Variants in IPO9 observed in about 807,000 individuals in gnomAD.
The protein encoded by IPO9 is importin 9.
Under a neutral mutation model 128.6 loss-of-function variants are expected in IPO9, and 28 were observed. The ratio of observed to expected loss-of-function variants is 0.22; its 90% confidence interval spans 0.16 to 0.30. IPO9 has a LOEUF of 0.30. IPO9 is among the 10% of genes least tolerant of loss of function. The pLI, the probability that IPO9 is intolerant of heterozygous loss-of-function variation, is 1.00. For synonymous variants in IPO9, 455 were observed against 475.8 expected, an observed-to-expected ratio of 0.96 and a Z score of 0.57; for missense variants, 935 against 1,293.9, an observed-to-expected ratio of 0.72 and a Z score of 4.26.
At chr1:201,836,864 C>T (rs1170852374) in intron 1 of IPO9, among the ~76,000 whole-genome samples, 1 of 152,124 alleles carries the variant, frequency 6.6e-6, no homozygotes, top group Non-Finnish European at 1.5e-5. Context: ...CTGTAGGGGT[C>T]TGTAGAGAAG....
At chr1:201,871,459 T>C in intron 19 of IPO9, 132 bp downstream of exon 19, 1 of 625,080 alleles carries the variant, frequency 1.6e-6, no homozygotes, top group Non-Finnish European at 2.5e-6. Flanking sequence ...CAATCTTGGC[T>C]CACTGCAACC....
intron 17 of IPO9, 53 bp downstream of exon 17, chr1:201,869,771 T>TTA (rs1680615115): frequency 2.5e-6 from 4 of 1,588,072 alleles, no homozygotes; most frequent in African/African-American, 2.7e-5. Flanking sequence ...AGCCATGGGC[T>TTA]TATACTATGC....
chr1:201,871,323 G>A lies in IPO9; in HGVS notation c.2572G>A (p.Val858Ile), dbSNP rs1680647285. ...HLFYGQYEGK[V>I]SSVALCKLLQ... ...GTTCTATGGACAGTATGAAGGCAAA[G>A]TCAGGTAGAACCTCATCTTTCTTTT... Residue 858 changes from valine (V) to isoleucine (I), a missense_variant, in exon 19 of 24, where the codon GTC (valine) becomes ATC (isoleucine). By Grantham distance (29) the Val-to-Ile change is conservative. Transcript: ENST00000361565. 7.0e-7 allele frequency: 1 copy of A among 1,437,138 alleles called. No homozygotes were observed. The highest frequency in any genetic ancestry group is 9.3e-7 in the Non-Finnish European group (1 of 1,070,556). 89.0% of individuals were successfully genotyped at this position (1,437,138 alleles called of 1,614,324 possible). A position where few individuals can be genotyped will look rare whatever the true frequency, so the allele number is the denominator to read the frequency against.
At chr1:201,868,522 G>A in intron 15 of IPO9, 126 bp from the exon 16 acceptor site, 3 of 967,548 alleles carry the variant, frequency 3.1e-6, no homozygotes, top group Non-Finnish European at 4.4e-6. Flanking sequence ...TAGGTCCCGG[G>A]TATGTGATAA....
rs1680161457 is a variant in IPO9 at position 201,848,614 on chromosome 1, CTGG to C, written c.514+22_514+24del. The C allele has an allele frequency of 1.9e-6, 3 of 1,612,000 alleles. No individual in the cohort carries two copies. In the South Asian group the frequency reaches 3.3e-5, roughly 18 times the overall value. The stretch of plus-strand genomic sequence containing the variant: ...TGACAGGTACCAGAAGCCCTTTTCC[CTGG>C]TATTGGTACTTGGATCTCAAGCGAC... On this transcript the variant is annotated intron_variant, in intron 4 of 23. Coordinates refer to ENST00000361565, the MANE Select transcript of IPO9 (RefSeq NM_018085.5).
Position 201,854,660 on chromosome 1 carries a change from C to A in IPO9, c.756C>A (p.Leu252=). 6.2e-7 allele frequency: 1 copy of A among 1,614,184 alleles called. No individual in the cohort carries two copies. The highest frequency in any genetic ancestry group is 1.3e-5 in the African/African-American group (1 of 75,048). Residue 252 remains leucine, a synonymous_variant, in exon 7 of 24, where the codon CTC becomes CTA. Coordinates refer to ENST00000361565, the MANE Select transcript of IPO9 (RefSeq NM_018085.5). ...QQFTEAFVQA[L]QIPDGPTSDS... ...TCACAGAGGCCTTTGTTCAGGCCCT[C>A]CAGATACCAGATGGCCCCACATCTG...
At chr1:201,861,156 ACT>A (rs1394032011) in intron 13 of IPO9, among the ~76,000 whole-genome samples, 1 of 152,126 alleles carries the variant, frequency 6.6e-6, no homozygotes, top group Non-Finnish European at 1.5e-5. Flanking sequence ...ACAGAGCGAG[ACT>A]CTGTCTCAAA....
intron 21 of IPO9, 122 bp from the exon 22 acceptor site, chr1:201,874,710 A>C: frequency 1.4e-6 from 1 of 720,482 alleles, no homozygotes; most frequent in Non-Finnish European, 2.5e-6. Context: ...ATTCTCTTTC[A>C]CTGGGGACTA....
At position 201,855,116 on chromosome 1, in the gene IPO9, C is replaced by T; in HGVS notation, c.912-8C>T. The T allele has an allele frequency of 6.4e-7, 1 of 1,567,154 alleles. No individual in the cohort carries two copies. Among genetic ancestry groups the T allele is most frequent in the Non-Finnish European group, 8.8e-7 (1 of 1,139,392 alleles). ...CTCCAAATTCTATTTCTTTACTCTT[C>T]ATCATACTTATGTGAGGACAGAAGT... On this transcript the variant is annotated splice_polypyrimidine_tract_variant and splice_region_variant and intron_variant, in intron 8 of 23. Transcript: ENST00000361565.
chr1:201,862,431 C>A (rs973052310), intron 13 of IPO9, among the ~76,000 whole-genome samples: 2 of 151,582 alleles, frequency 1.3e-5, no homozygotes, highest in Non-Finnish European at 2.9e-5. Flanking sequence ...ACACTCCAGC[C>A]TGGGCAACAG....
Position 201,843,391 on chromosome 1 carries a change from G to GA in IPO9, c.164-3879dup, listed in dbSNP as rs869110450. Among the ~76,000 whole-genome samples the GA allele has an allele frequency of 4.0e-5, 6 of 150,270 alleles. No homozygotes were observed. In the South Asian group the frequency reaches 8.4e-4, roughly 21 times the overall value. ...CATTGCATCAGGTAGGGGAATGGGGGAAAAAAAAAGAAAAGGAAAGTTGAG... is the reference window on the plus strand; with the variant it reads ...CATTGCATCAGGTAGGGGAATGGGGGAAAAAAAAAAGAAAAGGAAAGTTGAG... On this transcript the variant is annotated intron_variant, in intron 1 of 23. Transcript: ENST00000361565.
chr1:201,872,975 C>G lies in IPO9; in HGVS notation c.2710+14C>G. 1 of 1,606,442 alleles carries G rather than the reference C, an allele frequency of 6.2e-7. No homozygotes were observed. The highest frequency in any genetic ancestry group is 8.5e-7 in the Non-Finnish European group (1 of 1,175,988). ...AGTCAGCCAAAAGTGGGTGCTGCTG[C>G]GATTCTTCCAATCCTCTCCCTATAC... On this transcript the variant is annotated intron_variant, in intron 20 of 23. Transcript: ENST00000361565.
At chr1:201,863,000 CT>C (rs758995743) in intron 13 of IPO9, among the ~76,000 whole-genome samples, 1 of 152,078 alleles carries the variant, frequency 6.6e-6, no homozygotes, top group Admixed American at 6.6e-5. Context: ...CAAGGTTATG[CT>C]TTTTCTCTCA....
chr1:201,865,199 C>CTTTTTTTTTTTTT (rs201084995), intron 14 of IPO9, among the ~76,000 whole-genome samples: 1 of 132,852 alleles, frequency 7.5e-6, no homozygotes, highest in Non-Finnish European at 1.6e-5. Flanking sequence ...AACTATTTTT[C>CTTTTTTTTTTTTT]TTTTTTTTTT....
In IPO9 at chr1:201,878,057, AT is replaced by A. The variant is rs1194625876; in HGVS notation, c.*2005del. 1 of 152,196 alleles carries A rather than the reference AT, an allele frequency of 6.6e-6. No homozygotes were observed. The highest frequency in any genetic ancestry group is 1.5e-5 in the Non-Finnish European group (1 of 68,042). The allele number at this position is 152,196 out of a possible 1,614,324, so 9.4% of individuals were successfully genotyped here. ...CCAGTGTTCAACCTCCATGACTGAGATTGGAAGAAGTAGAGTTAAAAGTTTT... is the reference window on the plus strand; with the variant it reads ...CCAGTGTTCAACCTCCATGACTGAGATGGAAGAAGTAGAGTTAAAAGTTTT... On this transcript the variant is annotated 3_prime_UTR_variant, in exon 24 of 24. Transcript: ENST00000361565.
rs908736116 is a variant in IPO9 at position 201,866,723 on chromosome 1, C to G, written c.1629-10C>G. On this transcript the variant is annotated splice_polypyrimidine_tract_variant and intron_variant, in intron 14 of 23. Coordinates refer to ENST00000361565, the MANE Select transcript of IPO9 (RefSeq NM_018085.5). ...TTTTTAATAATTCTTGCTTATCTATCTCTCTCTAGTTATTGTGACCAACTG... is the reference window on the plus strand; with the variant it reads ...TTTTTAATAATTCTTGCTTATCTATGTCTCTCTAGTTATTGTGACCAACTG... The G allele has an allele frequency of 6.3e-7, 1 of 1,595,062 alleles. No homozygotes were observed. Among genetic ancestry groups the G allele is most frequent in the Non-Finnish European group, 8.6e-7 (1 of 1,163,224 alleles).
In IPO9 at chr1:201,876,168, G is replaced by T; in HGVS notation, c.*114G>T. On this transcript the variant is annotated 3_prime_UTR_variant, in exon 24 of 24. Coordinates refer to ENST00000361565, the MANE Select transcript of IPO9 (RefSeq NM_018085.5). Reference sequence around the variant, plus strand: ...AACCTAAAGTGGCATCTTGACCCTTGGCCCTTGGCCTCGGCAGTGACACTG... The same window carrying T: ...AACCTAAAGTGGCATCTTGACCCTTTGCCCTTGGCCTCGGCAGTGACACTG... 1.2e-6 allele frequency: 1 copy of T among 808,902 alleles called. No individual in the cohort carries two copies. The highest frequency in any genetic ancestry group is 2.2e-6 in the Non-Finnish European group (1 of 446,852). The allele number at this position is 808,902 out of a possible 1,614,324, so 50.1% of individuals were successfully genotyped here. A position where few individuals can be genotyped will look rare whatever the true frequency, so the allele number is the denominator to read the frequency against.
chr1:201,839,149 A>G (rs1397600083), intron 1 of IPO9, among the ~76,000 whole-genome samples: 2 of 151,528 alleles, frequency 1.3e-5, no homozygotes, highest in Non-Finnish European at 2.9e-5. Context: ...CGAACTCCTA[A>G]CCTCAGGTGA....
intron 1 of IPO9, among the ~76,000 whole-genome samples, chr1:201,846,392 A>G (rs2102873669): frequency 6.6e-6 from 1 of 152,320 alleles, no homozygotes; most frequent in East Asian, 1.9e-4. Context: ...TTGTTTTTTG[A>G]GACGGAGTCT....
Sources: gnomAD v4.1 joint callset for allele counts (sites outside exome capture counted in the v4.1 genomes callset) on GRCh38, gnomAD v4.1.1 for gene constraint, MANE v1.5 for transcripts, NCBI Gene and HGNC (gene_info 2026-07-23, HGNC 2026-07-21) for gene names.